Variants in PAK5 observed in about 807,000 individuals in gnomAD.
The protein encoded by PAK5 is p21 (RAC1) activated kinase 5.
PAK5 carries 16 observed loss-of-function variants against 65.9 expected under a neutral mutation model. That is an observed-to-expected ratio of 0.24 (90% CI 0.16 to 0.37). The LOEUF (loss-of-function observed/expected upper bound fraction) is 0.37, where lower values mean the gene tolerates loss of function less well. PAK5 is among the 10% of genes least tolerant of loss of function. The probability of loss-of-function intolerance (pLI) is 1.00; values close to 1 mark genes in which losing one functional copy is unlikely to be tolerated. For synonymous variants in PAK5, 371 were observed against 354.9 expected, an observed-to-expected ratio of 1.05 and a Z score of -0.51; for missense variants, 785 against 903.9, an observed-to-expected ratio of 0.87 and a Z score of 1.69.
At position 9,538,171 on chromosome 20, in the gene PAK5, A is replaced by G. The variant is rs1261123722; in HGVS notation, c.*1291T>C. The G allele has an allele frequency of 4.3e-6, 1 of 233,388 alleles. No individual in the cohort carries two copies. Among genetic ancestry groups the G allele is most frequent in the Non-Finnish European group, 8.5e-6 (1 of 117,948 alleles). 14.5% of individuals were successfully genotyped at this position (233,388 alleles called of 1,614,324 possible). On this transcript the variant is annotated 3_prime_UTR_variant, in exon 10 of 10. Coordinates refer to ENST00000353224, the MANE Select transcript of PAK5 (RefSeq NM_177990.4). The stretch of plus-strand genomic sequence containing the variant: ...CAAGCAACACAAAATGTATTGTAGT[A>G]GTCATTCATTTTTATCAACATTCAA...
intron 2 of PAK5, among the ~76,000 whole-genome samples, chr20:9,709,812 G>T (rs576072866): frequency 6.6e-6 from 1 of 152,264 alleles, no homozygotes; most frequent in Non-Finnish European, 1.5e-5. Context: ...CTTGAGGGTT[G>T]TCCACCCTCC....
At chr20:9,637,457 G>A (rs2046997143) in intron 3 of PAK5, among the ~76,000 whole-genome samples, 1 of 152,046 alleles carries the variant, frequency 6.6e-6, no homozygotes, top group African/African-American at 2.4e-5. Flanking sequence ...AAGAGTCTGA[G>A]GAACCCCCCA....
In PAK5 at chr20:9,595,880, C is replaced by G. The variant is rs183885245; in HGVS notation, c.205-14950G>C. Among the ~76,000 whole-genome samples, 188 of 151,244 alleles carry G rather than the reference C, an allele frequency of 1.2e-3. 1 individual carries two copies. Among genetic ancestry groups the G allele is most frequent in the African/African-American group, 4.1e-3 (168 of 40,706 alleles). On this transcript the variant is annotated intron_variant, in intron 3 of 9. Transcript: ENST00000353224. ...GTTGATAGAAATCTTGTAACTGTTTCAAATGGACTCCCCAGAGGCTTGAAA... is the reference window on the plus strand; with the variant it reads ...GTTGATAGAAATCTTGTAACTGTTTGAAATGGACTCCCCAGAGGCTTGAAA...
intron 3 of PAK5, among the ~76,000 whole-genome samples, chr20:9,583,154 C>T (rs1435016873): frequency 2.6e-5 from 4 of 152,180 alleles, no homozygotes. Flanking sequence ...TGTTTGTAGA[C>T]TAACTCATGA....
intron 1 of PAK5, among the ~76,000 whole-genome samples, chr20:9,821,022 T>C (rs6118746): frequency 0.16 from 24,772 of 152,154 alleles, 2,102 homozygotes; most frequent in Middle Eastern, 0.24. Context: ...ACTTTTCTGT[T>C]ACTCCAAGTG....
intron 7 of PAK5, among the ~76,000 whole-genome samples, chr20:9,550,572 A>G (rs1052013606): frequency 1.3e-5 from 2 of 152,194 alleles, no homozygotes; most frequent in Non-Finnish European, 2.9e-5. Flanking sequence ...TTTATACCTC[A>G]TAATAATGTA....
At chr20:9,604,258 G>T (rs189748893) in intron 3 of PAK5, among the ~76,000 whole-genome samples, 4 of 152,198 alleles carry the variant, frequency 2.6e-5, no homozygotes, top group African/African-American at 7.2e-5. Flanking sequence ...TTAAATGAAG[G>T]TTGCCAGCTG....
chr20:9,765,389 T>C (rs2048745332), intron 1 of PAK5, among the ~76,000 whole-genome samples: 1 of 152,168 alleles, frequency 6.6e-6, no homozygotes, highest in African/African-American at 2.4e-5. Flanking sequence ...CAATAATTGG[T>C]GCAAAAATAC....
At chr20:9,619,808 A>C (rs2046737472) in intron 3 of PAK5, among the ~76,000 whole-genome samples, 1 of 152,160 alleles carries the variant, frequency 6.6e-6, no homozygotes, top group African/African-American at 2.4e-5. Flanking sequence ...CCCTCCCTTG[A>C]TTCTTTGACA....
intron 2 of PAK5, among the ~76,000 whole-genome samples, chr20:9,655,655 T>C (rs1255269648): frequency 6.6e-6 from 1 of 152,210 alleles, no homozygotes; most frequent in Non-Finnish European, 1.5e-5. Context: ...TCATTCTGCA[T>C]AAATACGAGC....
intron 2 of PAK5, among the ~76,000 whole-genome samples, chr20:9,660,640 A>G (rs6039540): frequency 0.71 from 107,826 of 151,972 alleles, 38,302 homozygotes; most frequent in Non-Finnish European, 0.75. Context: ...AGGGATGAGA[A>G]GATGTCCTTA....
At chr20:9,582,455 T>C (rs2045995495) in intron 3 of PAK5, among the ~76,000 whole-genome samples, 1 of 152,094 alleles carries the variant, frequency 6.6e-6, no homozygotes. Flanking sequence ...GATCAGAGAG[T>C]CAAGTCACAT....
At chr20:9,659,194 C>T (rs1339041197) in intron 2 of PAK5, among the ~76,000 whole-genome samples, 3 of 152,294 alleles carry the variant, frequency 2.0e-5, no homozygotes, top group East Asian at 3.9e-4. Context: ...TAAATCATAA[C>T]TGGAAACACT....
At chr20:9,607,849 G>A (rs982318879) in intron 3 of PAK5, among the ~76,000 whole-genome samples, 1 of 152,078 alleles carries the variant, frequency 6.6e-6, no homozygotes, top group Non-Finnish European at 1.5e-5. Flanking sequence ...AAAGAAAAAA[G>A]AAAAGGAGAA....
chr20:9,813,006 T>C (rs2049315587), intron 1 of PAK5, among the ~76,000 whole-genome samples: 1 of 152,032 alleles, frequency 6.6e-6, no homozygotes, highest in South Asian at 2.1e-4. Context: ...AAAAAATCTA[T>C]AGCAAACTAT....
At chr20:9,745,290 TGTGA>T (rs764954694) in intron 1 of PAK5, among the ~76,000 whole-genome samples, 5 of 150,814 alleles carry the variant, frequency 3.3e-5, no homozygotes, top group Non-Finnish European at 7.4e-5. Context: ...TCATTTTTGC[TGTGA>T]GTGACACCAC....
In PAK5 at chr20:9,544,999, C is replaced by G. The variant is rs1180561936; in HGVS notation, c.1744-505G>C. 2.6e-5 allele frequency among the ~76,000 whole-genome samples: 4 copies of G among 152,082 alleles called. No homozygotes were observed. The East Asian group carries it at 7.7e-4, about 29-fold the overall frequency. On this transcript the variant is annotated intron_variant, in intron 7 of 9. Coordinates refer to ENST00000353224, the MANE Select transcript of PAK5 (RefSeq NM_177990.4). ...TTTCTATATTTGAAATATTGCAAGG[C>G]CTTTGCTTATCCAGGATGTGGAAAT...
chr20:9,701,467 T>C (rs778989028), intron 2 of PAK5, among the ~76,000 whole-genome samples: 3 of 152,100 alleles, frequency 2.0e-5, no homozygotes, highest in Non-Finnish European at 2.9e-5. Flanking sequence ...CTGTTAACCA[T>C]GTGAAAAAGA....
At chr20:9,621,936 C>T (rs980888884) in intron 3 of PAK5, among the ~76,000 whole-genome samples, 4 of 152,204 alleles carry the variant, frequency 2.6e-5, no homozygotes, top group African/African-American at 7.2e-5. Flanking sequence ...ACTGAAACCA[C>T]AGCTCTGTCC....
Sources: gnomAD v4.1 joint callset for allele counts (sites outside exome capture counted in the v4.1 genomes callset) on GRCh38, gnomAD v4.1.1 for gene constraint, MANE v1.5 for transcripts, NCBI Gene and HGNC (gene_info 2026-07-23, HGNC 2026-07-21) for gene names.